The following PLXDC2 variants were observed in gnomAD, a reference collection of about 807,000 sequenced individuals.
PLXDC2 encodes plexin domain-containing protein 2.
Under a neutral mutation model 68.9 loss-of-function variants are expected in PLXDC2, and 40 were observed. That is an observed-to-expected ratio of 0.58 (90% confidence interval 0.45 to 0.76). The LOEUF (loss-of-function observed/expected upper bound fraction) is 0.76, where lower values mean the gene tolerates loss of function less well. Among genes scored for constraint, PLXDC2 ranks in the 30% least tolerant of loss-of-function variants. PLXDC2 has a pLI of 0.00. For missense variants in PLXDC2, 644 were observed against 661.9 expected, an observed-to-expected ratio of 0.97 and a Z score of 0.30; for synonymous variants, 243 against 234.2, an observed-to-expected ratio of 1.04 and a Z score of -0.34.
chr10:20,164,518 C>T lies in PLXDC2; in HGVS notation c.834C>T (p.Val278=), dbSNP rs771311773. The change falls in exon 7 of 14, where the codon GTC becomes GTT. Residue 278 remains valine, a synonymous_variant. Coordinates refer to ENST00000377252, the MANE Select transcript of PLXDC2 (RefSeq NM_032812.9). The stretch of plus-strand genomic sequence containing the variant: ...GTTCAACCAATCATCCAGTGAAAGT[C>T]GGACTGTCCGATGCATTTGTCGTTG... ...QISSTNHPVK[V]GLSDAFVVVH... The T allele has an allele frequency of 5.6e-6, 9 of 1,613,552 alleles. No homozygotes were observed. Among genetic ancestry groups the T allele is most frequent in the African/African-American group, 1.3e-5 (1 of 74,884 alleles).
chr10:19,823,882 C>T (rs993666261), intron 1 of PLXDC2, among the ~76,000 whole-genome samples: 5 of 152,004 alleles, frequency 3.3e-5, no homozygotes, highest in Admixed American at 3.3e-4. Context: ...GTGGTGCACA[C>T]CTGTAGTCCC....
At chr10:20,214,344 G>T (rs1167801654) in intron 10 of PLXDC2, among the ~76,000 whole-genome samples, 1 of 151,908 alleles carries the variant, frequency 6.6e-6, no homozygotes, top group African/African-American at 2.4e-5. Flanking sequence ...AATAGGTGAT[G>T]TTTTCCCCCA....
rs189238738 is a variant in PLXDC2 at position 19,823,724 on chromosome 10, C to T, written c.112+6533C>T. Among the ~76,000 whole-genome samples, 788 of 152,180 alleles carry T rather than the reference C, an allele frequency of 5.2e-3. 5 individuals carry two copies. Among genetic ancestry groups the T allele is most frequent in the Non-Finnish European group, 8.4e-3 (568 of 68,016 alleles). ...TTTTGAGGTGAGGTTCAGTGGCTCA[C>T]ACCTGTAATCCCAACACTTTGGGAG... On this transcript the variant is annotated intron_variant, in intron 1 of 13. Transcript: ENST00000377252.
chr10:20,006,178 A>G (rs980373784), intron 2 of PLXDC2, among the ~76,000 whole-genome samples: 1 of 152,034 alleles, frequency 6.6e-6, no homozygotes, highest in Non-Finnish European at 1.5e-5. Context: ...GACTCAGTCT[A>G]AGAAAAAAAA....
At chr10:20,059,780 TA>T (rs61451675) in intron 3 of PLXDC2, among the ~76,000 whole-genome samples, 2,555 of 151,692 alleles carry the variant, frequency 0.017, 67 homozygotes, top group African/African-American at 0.057. Flanking sequence ...AAAATCCCTT[TA>T]AAAAAAAATT....
chr10:20,117,894 C>T lies in PLXDC2; in HGVS notation c.542-25401C>T, dbSNP rs190847028. ...TGGGTCAACAAAATGAAAAAGACCA[C>T]GGCTGAAATGCTTTTAGACTAAGTA... On this transcript the variant is annotated intron_variant, in intron 4 of 13. Coordinates refer to ENST00000377252, the MANE Select transcript of PLXDC2 (RefSeq NM_032812.9). 1.9e-3 allele frequency among the ~76,000 whole-genome samples: 292 copies of T among 152,230 alleles called. 1 individual carries two copies. Among genetic ancestry groups the T allele is most frequent in the African/African-American group, 5.8e-3 (241 of 41,540 alleles).
intron 1 of PLXDC2, among the ~76,000 whole-genome samples, chr10:19,976,013 TAAA>T (rs1834447702): frequency 1.3e-5 from 2 of 152,000 alleles, no homozygotes; most frequent in Non-Finnish European, 2.9e-5. Flanking sequence ...AAAATAAAAA[TAAA>T]AAAGAATACG....
chr10:20,233,292 G>A (rs1409545132), intron 12 of PLXDC2, among the ~76,000 whole-genome samples: 1 of 151,822 alleles, frequency 6.6e-6, no homozygotes, highest in Non-Finnish European at 1.5e-5. Context: ...TAGTGAAGCT[G>A]AGGCGAGAGG....
chr10:19,963,681 C>T (rs1049076746), intron 1 of PLXDC2, among the ~76,000 whole-genome samples: 1 of 151,896 alleles, frequency 6.6e-6, no homozygotes, highest in African/African-American at 2.4e-5. Flanking sequence ...ACACCGGGGC[C>T]TGTTGTGGGG....
At chr10:20,193,217 C>T (rs1481940585) in intron 9 of PLXDC2, among the ~76,000 whole-genome samples, 1 of 151,984 alleles carries the variant, frequency 6.6e-6, no homozygotes, top group Non-Finnish European at 1.5e-5. Context: ...GACCATATGG[C>T]CTGTAAGCCC....
intron 1 of PLXDC2, among the ~76,000 whole-genome samples, chr10:19,872,466 A>G (rs867780652): frequency 9.9e-5 from 15 of 152,230 alleles, no homozygotes; most frequent in African/African-American, 3.6e-4. Context: ...GGTGTCAGTC[A>G]TTAATTATTT....
At chr10:20,262,751 G>T (rs1397692403) in intron 13 of PLXDC2, among the ~76,000 whole-genome samples, 1 of 152,224 alleles carries the variant, frequency 6.6e-6, no homozygotes. Context: ...TGAAAAATCT[G>T]AGGTGGCTAG....
intron 12 of PLXDC2, 121 bp downstream of exon 12, chr10:20,219,223 G>A (rs558501289): frequency 2.7e-5 from 29 of 1,058,708 alleles, no homozygotes; most frequent in East Asian, 1.8e-4. Flanking sequence ...TTTATTCTCC[G>A]TTGGGATTTA....
intron 2 of PLXDC2, among the ~76,000 whole-genome samples, chr10:20,014,204 C>CCTTCCTTCCTTCCTTCCTTCCTTG (rs1344500990): frequency 7.8e-6 from 1 of 128,330 alleles, no homozygotes; most frequent in Admixed American, 7.7e-5. Context: ...TTGTTTCCTT[C>CCTTCCTTCCTTCCTTCCTTCCTTG]CTTCCTTCCT....
intron 3 of PLXDC2, among the ~76,000 whole-genome samples, chr10:20,054,360 G>A (rs553544234): frequency 2.0e-5 from 3 of 152,104 alleles, no homozygotes; most frequent in Middle Eastern, 3.4e-3. Flanking sequence ...CTCTCTAAGA[G>A]TCTCTCTCAG....
At chr10:19,847,473 T>A (rs1837029435) in intron 1 of PLXDC2, among the ~76,000 whole-genome samples, 1 of 152,198 alleles carries the variant, frequency 6.6e-6, no homozygotes, top group African/African-American at 2.4e-5. Context: ...AACTCAGCGG[T>A]TGCCCAAGTG....
At chr10:20,233,734 C>T (rs1835394874) in intron 12 of PLXDC2, among the ~76,000 whole-genome samples, 2 of 152,160 alleles carry the variant, frequency 1.3e-5, no homozygotes, top group Admixed American at 6.5e-5. Context: ...AGTATATAGT[C>T]ACTTGTTTGC....
chr10:20,137,881 A>G (rs554347496), intron 4 of PLXDC2, among the ~76,000 whole-genome samples: 1 of 152,124 alleles, frequency 6.6e-6, no homozygotes. Flanking sequence ...GCATGTCGAC[A>G]TGGTCTCAGT....
intron 1 of PLXDC2, among the ~76,000 whole-genome samples, chr10:19,885,192 A>T (rs551557688): frequency 9.8e-4 from 149 of 151,626 alleles, no homozygotes; most frequent in Non-Finnish European, 1.8e-3. Context: ...CCACTTTTTG[A>T]TGGGGTTGTT....
Sources: allele counts gnomAD v4.1 joint callset (sites outside exome capture counted in the v4.1 genomes callset), GRCh38; gene constraint gnomAD v4.1.1; transcripts MANE v1.5; gene names NCBI Gene and HGNC (gene_info 2026-07-23, HGNC 2026-07-21).